The following ECM2 variants were observed in gnomAD, a reference collection of about 807,000 sequenced individuals.
The protein encoded by ECM2 is extracellular matrix protein 2, female organ and adipocyte specific.
ECM2 carries 57 observed loss-of-function variants against 67.5 expected under a neutral mutation model. The observed-to-expected ratio is 0.84, with a 90% CI of 0.68 to 1.05. The LOEUF (loss-of-function observed/expected upper bound fraction) is 1.05, where lower values mean the gene tolerates loss of function less well. ECM2 is among the 50% of genes least tolerant of loss of function. The pLI, the probability that ECM2 is intolerant of heterozygous loss-of-function variation, is 0.00. For synonymous variants in ECM2, 258 were observed against 294.5 expected, an observed-to-expected ratio of 0.88 and a Z score of 1.27; for missense variants, 741 against 822.8, an observed-to-expected ratio of 0.90 and a Z score of 1.22.
At chr9:92,528,422 C>T (rs930814861) in intron 1 of ECM2, among the ~76,000 whole-genome samples, 4 of 152,158 alleles carry the variant, frequency 2.6e-5, no homozygotes, top group African/African-American at 9.7e-5. Context: ...GAGGTGAGAG[C>T]TAGCCCAGAG....
upstream of ECM2, chr9:92,539,070 G>T: frequency 6.6e-6 from 1 of 152,090 alleles, no homozygotes; most frequent in East Asian, 1.9e-4. Context: ...TGTTCAGCCC[G>T]AATAAGGAGG....
At chr9:92,496,948 A>G (rs1846380921) in intron 9 of ECM2, among the ~76,000 whole-genome samples, 1 of 152,114 alleles carries the variant, frequency 6.6e-6, no homozygotes, top group Non-Finnish European at 1.5e-5. Context: ...TGCAAAAAAA[A>G]AAAAAAATCC....
intron 2 of ECM2, among the ~76,000 whole-genome samples, chr9:92,521,123 C>T (rs528862123): frequency 5.3e-5 from 8 of 152,256 alleles, no homozygotes; most frequent in African/African-American, 1.4e-4. Context: ...TGTGGTGATA[C>T]AATCAAAAAG....
intron 9 of ECM2, 25 bp from the exon 10 acceptor site, chr9:92,496,508 C>G: frequency 6.3e-7 from 1 of 1,596,520 alleles, no homozygotes; most frequent in Non-Finnish European, 8.5e-7. Flanking sequence ...ACATGCAAGT[C>G]ACACATGGTC....
chr9:92,519,169 C>G (rs1374886018), intron 2 of ECM2, among the ~76,000 whole-genome samples: 2 of 152,174 alleles, frequency 1.3e-5, no homozygotes, highest in African/African-American at 4.8e-5. Flanking sequence ...CTACCCATCT[C>G]TCATTCGAAT....
rs1346585565 is a variant in ECM2 at position 92,515,007 on chromosome 9, T to C, written c.678A>G (p.Gln226=). Residue 226 remains glutamine (Q), a synonymous_variant, in exon 4 of 10, where the codon CAA becomes CAG. Transcript: ENST00000344604. ...DEEVKEEDTE[Q]KRETPESRNQ... ...TTCTAGATTCAGGGGTCTCTCTCTT[T>C]TGCTCTGTATCTTCTTCTTTCACTT... 6 of 1,614,050 alleles carry C rather than the reference T, an allele frequency of 3.7e-6. No individual in the cohort carries two copies. Among genetic ancestry groups the C allele is most frequent in the Non-Finnish European group, 2.5e-6 (3 of 1,180,034 alleles).
intron 4 of ECM2, among the ~76,000 whole-genome samples, chr9:92,514,094 C>T (rs1279380330): frequency 1.3e-5 from 2 of 150,226 alleles, no homozygotes; most frequent in Non-Finnish European, 3.0e-5. Flanking sequence ...AATTAAAATA[C>T]AGTCTTCACA....
intron 9 of ECM2, 125 bp from the exon 10 acceptor site, chr9:92,496,608 T>C (rs1238760163): frequency 2.3e-5 from 27 of 1,196,370 alleles, no homozygotes; most frequent in Non-Finnish European, 3.0e-5. Flanking sequence ...TAGACCAGAA[T>C]AAATTCCAAC....
rs535405975 is a variant in ECM2, at chr9:92,512,411, T to G, written c.1055-285A>C. Among the ~76,000 whole-genome samples the G allele has an allele frequency of 3.9e-5, 6 of 152,358 alleles. No individual in the cohort carries two copies. In the East Asian group the frequency reaches 1.2e-3, roughly 29 times the overall value. Reference sequence around the variant, plus strand: ...TGCTTAACACAGCCAGAATGTGGTCTGCTGGAGAGTACTGGTAACATTGTA... The same window carrying G: ...TGCTTAACACAGCCAGAATGTGGTCGGCTGGAGAGTACTGGTAACATTGTA... On this transcript the variant is annotated intron_variant, in intron 4 of 9. Coordinates refer to ENST00000344604, the MANE Select transcript of ECM2 (RefSeq NM_001393.4).
At chr9:92,499,354 G>A (rs1196477498) in intron 9 of ECM2, among the ~76,000 whole-genome samples, 4 of 152,158 alleles carry the variant, frequency 2.6e-5, no homozygotes, top group African/African-American at 9.7e-5. Context: ...AGCCCTAGTT[G>A]ATGAGCAAAA....
At chr9:92,546,188 T>C in the ECM2 span, among the ~76,000 whole-genome samples, 1 of 152,176 alleles carries the variant, frequency 6.6e-6, no homozygotes. Flanking sequence ...CACCAGTCAG[T>C]ACCCTGTCAA....
chr9:92,518,794 C>T (rs1847884218), intron 2 of ECM2, among the ~76,000 whole-genome samples: 1 of 152,136 alleles, frequency 6.6e-6, no homozygotes, highest in East Asian at 1.9e-4. Context: ...AAAGCTGAGG[C>T]ATAAGAATCG....
In ECM2 at chr9:92,523,709, AG is replaced by A. The variant is rs375129580; in HGVS notation, c.-27-817del. On this transcript the variant is annotated intron_variant, in intron 1 of 9. Coordinates refer to ENST00000344604, the MANE Select transcript of ECM2 (RefSeq NM_001393.4). ...AAACAGCATATCTTTAACTTATTGG[AG>A]AGTAGCTAGTAGGAGCGGGCTTAAC... 6.3e-3 allele frequency among the ~76,000 whole-genome samples: 960 copies of A among 152,284 alleles called. 9 individuals are homozygous for A. Among genetic ancestry groups the A allele is most frequent in the African/African-American group, 0.022 (922 of 41,542 alleles).
chr9:92,527,479 A>T (rs1258839639), intron 1 of ECM2, among the ~76,000 whole-genome samples: 4 of 152,234 alleles, frequency 2.6e-5, no homozygotes, highest in Non-Finnish European at 5.9e-5. Flanking sequence ...TTTATGATGT[A>T]TGACAACAAA....
At chr9:92,546,691 A>G in the ECM2 span, among the ~76,000 whole-genome samples, 2 of 152,216 alleles carry the variant, frequency 1.3e-5, no homozygotes, top group African/African-American at 2.4e-5. Context: ...CCGCGGCTTC[A>G]TTCTTGAAGT....
At chr9:92,547,664 A>G in the ECM2 span, among the ~76,000 whole-genome samples, 1 of 152,350 alleles carries the variant, frequency 6.6e-6, no homozygotes, top group East Asian at 1.9e-4. Context: ...GGGGGTAAGA[A>G]GATAGGGAAT....
At chr9:92,529,733 C>A (rs1265862842) in intron 1 of ECM2, among the ~76,000 whole-genome samples, 1 of 152,106 alleles carries the variant, frequency 6.6e-6, no homozygotes, top group Non-Finnish European at 1.5e-5. Context: ...TGTATGATTT[C>A]AACTCTATGA....
chr9:92,518,461 A>T (rs1480312860), intron 2 of ECM2, among the ~76,000 whole-genome samples: 1 of 152,164 alleles, frequency 6.6e-6, no homozygotes, highest in East Asian at 1.9e-4. Context: ...CTCACAGCCC[A>T]CCCTTGATAT....
At chr9:92,522,377 C>T (rs993477889) in intron 2 of ECM2, among the ~76,000 whole-genome samples, 198 bp downstream of exon 2, 3 of 152,066 alleles carry the variant, frequency 2.0e-5, no homozygotes, top group Non-Finnish European at 2.9e-5. Context: ...TGAGCCACCG[C>T]GCCTGGCCCT....
Sources: allele counts gnomAD v4.1 joint callset (sites outside exome capture counted in the v4.1 genomes callset), GRCh38; gene constraint gnomAD v4.1.1; transcripts MANE v1.5; gene names NCBI Gene and HGNC (gene_info 2026-07-23, HGNC 2026-07-21).